Variants in LRP4 observed in about 807,000 individuals in gnomAD.
LRP4 encodes low-density lipoprotein receptor-related protein 4.
A neutral mutation model predicts 220.3 loss-of-function variants in LRP4; 95 were observed. The ratio of observed to expected loss-of-function variants is 0.43; its 90% CI spans 0.37 to 0.51. The LOEUF (loss-of-function observed/expected upper bound fraction) is 0.51. Among genes scored for constraint, LRP4 ranks in the 20% least tolerant of loss-of-function variants. The pLI, the probability that LRP4 is intolerant of heterozygous loss-of-function variation, is 0.00. For missense variants in LRP4, 1,925 were observed against 2,567.0 expected (o/e 0.75, Z 5.40); for synonymous variants, 903 against 954.6 (o/e 0.95, Z 1.00).
At chr11:46,894,494 G>A in intron 12 of LRP4, 95 bp downstream of exon 12, 1 of 909,876 alleles carries the variant, frequency 1.1e-6, no homozygotes, top group East Asian at 2.6e-5. Flanking sequence ...AAGATGTCCT[G>A]CTGCCTAAGG....
chr11:46,896,119 G>GC, intron 9 of LRP4, 91 bp downstream of exon 9: 2 of 1,610,634 alleles, frequency 1.2e-6, no homozygotes, highest in South Asian at 2.2e-5. Flanking sequence ...TCCCAAAGCT[G>GC]CAAGAGTCCT....
rs1284367747 is a variant in LRP4, at chr11:46,892,917, C to T, written c.1697+56G>A. On this transcript the variant is annotated intron_variant, in intron 13 of 37. Coordinates refer to ENST00000378623, the MANE Select transcript of LRP4 (RefSeq NM_002334.4). The stretch of plus-strand genomic sequence containing the variant: ...TCCCAGAATGTCTAGTCCAGGTAGC[C>T]TGGGAGCTGTCCCGAGAGGTTGCAA... 53 of 1,597,086 alleles carry T rather than the reference C, an allele frequency of 3.3e-5. 3 individuals carry two copies. The South Asian group carries it at 5.7e-4, about 17-fold the overall frequency.
rs902779676 is a variant in LRP4 at position 46,867,853 on chromosome 11, T to C, written c.5087+126A>G. On this transcript the variant is annotated intron_variant, in intron 34 of 37. Coordinates refer to ENST00000378623, the MANE Select transcript of LRP4 (RefSeq NM_002334.4). ...TCTGAATATCACCTTCTGTCCCAAA[T>C]AACAGGGACTGGTAGCTCCTGACAT... 9.6e-6 allele frequency: 11 copies of C among 1,143,094 alleles called. No individual in the cohort carries two copies. In the Admixed American group the frequency reaches 2.2e-4, roughly 23 times the overall value. 70.8% of individuals were successfully genotyped at this position (1,143,094 alleles called of 1,614,324 possible). A position where few individuals can be genotyped will look rare whatever the true frequency, so the allele number is the denominator to read the frequency against.
At position 46,918,415 on chromosome 11, in the gene LRP4, G is replaced by T; in HGVS notation, c.-36C>A. On this transcript the variant is annotated 5_prime_UTR_variant, in exon 1 of 38. Transcript: ENST00000378623. The surrounding 1 kb of genome is among the most constrained non-coding windows in gnomAD (Gnocchi z 6.0). ...GCGCCGCTCGCCCGGGGTCCCGCCG[G>T]CTCCCGCCGGACGGCGCGGCGGAGA... is the stretch of plus-strand genomic sequence containing the variant. 3 of 1,346,732 alleles carry T rather than the reference G, an allele frequency of 2.2e-6. No individual in the cohort carries two copies. Among genetic ancestry groups the T allele is most frequent in the Non-Finnish European group, 2.8e-6 (3 of 1,053,786 alleles). The allele number at this position is 1,346,732 out of a possible 1,614,324, so 83.4% of individuals were successfully genotyped here.
Position 46,889,347 on chromosome 11 carries a change from C to T in LRP4, c.2215+64G>A, listed in dbSNP as rs1031486650. The T allele has an allele frequency of 1.2e-5, 19 of 1,605,032 alleles. No individual in the cohort carries two copies. The African/African-American group carries it at 2.4e-4, about 20-fold the overall frequency. On this transcript the variant is annotated intron_variant, in intron 16 of 37. Transcript: ENST00000378623. ...ACAGGCAATCCCTCCACGTCCTATC[C>T]CTTGTTCCTTCTCCCCATCCTCACA...
intron 15 of LRP4, 42 bp from the exon 16 acceptor site, chr11:46,889,575 CAA>C: frequency 6.2e-6 from 10 of 1,609,788 alleles, no homozygotes; most frequent in Non-Finnish European, 8.5e-6. Context: ...CGAAGGTCTG[CAA>C]AAGTGACCCC....
Position 46,876,818 on chromosome 11 carries a change from C to G in LRP4, c.3290G>C (p.Trp1097Ser), listed in dbSNP as rs1941033587. The G allele has an allele frequency of 6.2e-7, 1 of 1,613,890 alleles. No individual in the cohort carries two copies. Among genetic ancestry groups the G allele is most frequent in the Non-Finnish European group, 8.5e-7 (1 of 1,179,924 alleles). The part of the protein sequence containing the change: ...GVDPQEGKVY[W>S]SDSTLHRISR... ...GATCCTGTGCAGTGTGCTGTCAGAC[C>G]AGTACACCTTTCCTGGAGAGGGAAA... The change falls in exon 24 of 38, where the codon TGG becomes TCG. Residue 1097 changes from tryptophan to serine, a missense_variant. Physicochemically the swap from Trp to Ser is radical, Grantham distance 177 (BLOSUM62 -3). Transcript: ENST00000378623.
intron 10 of LRP4, 33 bp downstream of exon 10, chr11:46,895,851 C>A: frequency 6.2e-7 from 1 of 1,607,780 alleles, no homozygotes. Context: ...TGCTCAGAAC[C>A]CCGACTCTGC....
At position 46,859,161 on chromosome 11, in the gene LRP4, G is replaced by A. The variant is rs375391856; in HGVS notation, c.5540C>T (p.Thr1847Met). 1.6e-5 allele frequency: 26 copies of A among 1,614,162 alleles called. No homozygotes were observed. Among genetic ancestry groups the A allele is most frequent in the African/African-American group, 8.0e-5 (6 of 75,028 alleles). Reference protein sequence around the residue: ...LRDHVCMKTDTVSIQASSGSL... With the variant: ...LRDHVCMKTDMVSIQASSGSL... ...GCCAGAGCTGGCCTGGATGGACACC[G>A]TGTCTGTCTTCATGCATACATGATC... Residue 1847 changes from threonine (T) to methionine (M), a missense_variant, in exon 38 of 38, where the codon ACG becomes ATG. By Grantham distance (81) the Thr-to-Met change is moderately conservative. Transcript: ENST00000378623.
Position 46,875,348 on chromosome 11 carries a change from G to GTCTT in LRP4, c.3925+104_3925+107dup. 9.3e-7 allele frequency: 1 copy of GTCTT among 1,074,380 alleles called. No homozygotes were observed. Among genetic ancestry groups the GTCTT allele is most frequent in the South Asian group, 1.3e-5 (1 of 75,424 alleles). The allele number at this position is 1,074,380 out of a possible 1,614,324, so 66.6% of individuals were successfully genotyped here. A position where few individuals can be genotyped will look rare whatever the true frequency, so the allele number is the denominator to read the frequency against. On this transcript the variant is annotated intron_variant, in intron 27 of 37. Transcript: ENST00000378623. This position sits in a 1 kb window ranked among gnomAD's most constrained non-coding sequence, Gnocchi z 4.5. ...TGGAAGGGAGCTTAAACAGGTCACCGTCTTTCTGGCTGTAAAGGAGCTCTG... is the reference window on the plus strand; with the variant it reads ...TGGAAGGGAGCTTAAACAGGTCACCGTCTTTCTTTCTGGCTGTAAAGGAGCTCTG...
rs1483926714 is a variant in LRP4 at position 46,873,737 on chromosome 11, C to T, written c.4230-144G>A. 2 of 629,202 alleles carry T rather than the reference C, an allele frequency of 3.2e-6. No individual in the cohort carries two copies. The highest frequency in any genetic ancestry group is 2.7e-5 in the East Asian group (1 of 37,114). 39.0% of individuals were successfully genotyped at this position (629,202 alleles called of 1,614,324 possible). On this transcript the variant is annotated intron_variant, in intron 28 of 37. Transcript: ENST00000378623. This position sits in a 1 kb window ranked among gnomAD's most constrained non-coding sequence, Gnocchi z 4.2. ...AGGTATCTATGAGTACATTCCTCAG[C>T]ACCCAGCATGATAGATGTTCAATAA...
intron 33 of LRP4, 90 bp downstream of exon 33, chr11:46,868,507 CAGA>C (rs1940763228): frequency 7.5e-6 from 7 of 929,222 alleles, no homozygotes; most frequent in Non-Finnish European, 1.2e-5. Context: ...GGATCCCACC[CAGA>C]AGGACAGATC....
In LRP4 at chr11:46,902,811, G is replaced by T; in HGVS notation, c.171C>A (p.Cys57Ter). ...ATCCATCCTCATCGCTGTGGTCCCC[G>T]CAGTCATTGTCTCCATCACACTGCC... ...AQWQCDGDNDCGDHSDEDGCI... is the reference protein window; with the variant it reads ...AQWQCDGDND Residue 57 changes from cysteine (C) to a stop codon, truncating the protein, a stop_gained, in exon 2 of 38, where the codon TGC (cysteine) becomes TGA (stop). Coordinates refer to ENST00000378623, the MANE Select transcript of LRP4 (RefSeq NM_002334.4). LOFTEE classifies it high-confidence loss of function. 1 of 1,614,038 alleles carries T rather than the reference G, an allele frequency of 6.2e-7. No individual in the cohort carries two copies.
At chr11:46,865,852 A>C (rs920634504) in intron 34 of LRP4, among the ~76,000 whole-genome samples, 1 of 152,238 alleles carries the variant, frequency 6.6e-6, no homozygotes, top group Admixed American at 6.5e-5. Context: ...AACCTAAAGA[A>C]AATCCGAGAG....
intron 30 of LRP4, among the ~76,000 whole-genome samples, chr11:46,872,281 A>G (rs1007148773): frequency 6.6e-6 from 1 of 152,084 alleles, no homozygotes; most frequent in Non-Finnish European, 1.5e-5. Flanking sequence ...AAAGGAAGTG[A>G]GCCCAGTCTA....
Position 46,902,899 on chromosome 11 carries a change from C to T in LRP4, c.83G>A (p.Gly28Asp), listed in dbSNP as rs1183268699. 1.9e-5 allele frequency: 31 copies of T among 1,614,120 alleles called. No homozygotes were observed. Among genetic ancestry groups the T allele is most frequent in the Non-Finnish European group, 2.5e-5 (30 of 1,180,026 alleles). Residue 28 changes from glycine to aspartate, a missense_variant, in exon 2 of 38, where the codon GGT becomes GAT. Transcript: ENST00000378623. ...GLASSPECACGRSHFTCAVSA... is the reference protein window; with the variant it reads ...GLASSPECACDRSHFTCAVSA... ...CACTGCACATGTGAAGTGGCTCCGA[C>T]CACAAGCACACTCGGGGCTGCTGGC...
chr11:46,893,369 C>T (rs1353847218), intron 12 of LRP4, among the ~76,000 whole-genome samples: 2 of 152,156 alleles, frequency 1.3e-5, no homozygotes, highest in Non-Finnish European at 2.9e-5. Context: ...TGCACTTCCT[C>T]CTCACAGTCA....
chr11:46,894,661 C>A lies in LRP4; in HGVS notation c.1468G>T (p.Asp490Tyr). Residue 490 changes from aspartate to tyrosine, a missense_variant, in exon 12 of 38, where the codon GAC (aspartate) becomes TAC (tyrosine). Physicochemically the swap from Asp to Tyr is radical, Grantham distance 160. Coordinates refer to ENST00000378623, the MANE Select transcript of LRP4 (RefSeq NM_002334.4). ...ELVFWSDVTL[D>Y]RILRANLNGS... ...TTGAGGTTGGCACGGAGGATCCGGTCCAGGGTGACATCTGACCAGAAGACA... is the reference window on the plus strand; with the variant it reads ...TTGAGGTTGGCACGGAGGATCCGGTACAGGGTGACATCTGACCAGAAGACA... The A allele has an allele frequency of 6.2e-7, 1 of 1,614,186 alleles. No individual in the cohort carries two copies. The highest frequency in any genetic ancestry group is 1.7e-5 in the Admixed American group (1 of 60,020).
chr11:46,879,658 T>C (rs751904372), intron 20 of LRP4, among the ~76,000 whole-genome samples: 1 of 152,144 alleles, frequency 6.6e-6, no homozygotes, highest in Non-Finnish European at 1.5e-5. Context: ...TGGCAGTAAG[T>C]ATCACAATAA....
Sources: gnomAD v4.1 joint callset for allele counts (sites outside exome capture counted in the v4.1 genomes callset) on GRCh38, gnomAD v4.1.1 for gene constraint, Gnocchi (gnomAD v3.1) non-coding constraint, MANE v1.5 for transcripts, NCBI Gene and HGNC (gene_info 2026-07-23, HGNC 2026-07-21) for gene names.